Variants in RBL1 observed in about 807,000 individuals in gnomAD.
RBL1 encodes RB transcriptional corepressor like 1, also known as retinoblastoma-like protein 1.
RBL1 carries 82 observed loss-of-function variants against 123.0 expected under a neutral mutation model. The observed-to-expected ratio is 0.67, with a 90% CI of 0.56 to 0.80. The LOEUF (loss-of-function observed/expected upper bound fraction) is 0.80. Among genes scored for constraint, RBL1 ranks in the 30% least tolerant of loss-of-function variants. The pLI, the probability that RBL1 is intolerant of heterozygous loss-of-function variation, is 0.00. For missense variants in RBL1, 1,171 were observed against 1,299.6 expected, an observed-to-expected ratio of 0.90 and a Z score of 1.52; for synonymous variants, 405 against 441.3, an observed-to-expected ratio of 0.92 and a Z score of 1.03.
intron 9 of RBL1, among the ~76,000 whole-genome samples, chr20:37,057,200 C>A (rs1306748962): frequency 6.6e-6 from 1 of 152,102 alleles, no homozygotes. Context: ...GTTTTTAATT[C>A]TTTTGGATGT....
At chr20:37,043,245 T>G (rs928469339) in intron 13 of RBL1, among the ~76,000 whole-genome samples, 2 of 150,888 alleles carry the variant, frequency 1.3e-5, no homozygotes, top group Non-Finnish European at 3.0e-5. Flanking sequence ...TCCCAGCACT[T>G]TGGGAGGCTG....
intron 19 of RBL1, 85 bp from the exon 20 acceptor site, chr20:37,007,644 G>A: frequency 7.4e-7 from 1 of 1,354,772 alleles, no homozygotes; most frequent in Non-Finnish European, 1.0e-6. Context: ...CCAGGGTGGA[G>A]TGCAGTGGTG....
Position 37,035,293 on chromosome 20 carries a change from T to C in RBL1, c.2119A>G (p.Thr707Ala), listed in dbSNP as rs1382855619. ...CCTGTTGTTCCTGTTACTGGGGCTG[T>C]GGCCATTGTTAGAAGAGTTTGACCA... is the stretch of plus-strand genomic sequence containing the variant. Reference protein sequence around the residue: ...LPGQTLLTMATAPVTGTTGHK... With the variant: ...LPGQTLLTMAAAPVTGTTGHK... The change falls in exon 15 of 22, where the codon ACA (threonine) becomes GCA (alanine). Residue 707 changes from threonine (T) to alanine (A), a missense_variant. Thr to Ala is a moderately conservative substitution (Grantham distance 58). Transcript: ENST00000373664. 6.2e-7 allele frequency: 1 copy of C among 1,614,018 alleles called. No individual in the cohort carries two copies. Among genetic ancestry groups the C allele is most frequent in the East Asian group, 2.2e-5 (1 of 44,872 alleles).
At chr20:37,082,315 G>A (rs745952669) in intron 2 of RBL1, among the ~76,000 whole-genome samples, 23 of 152,210 alleles carry the variant, frequency 1.5e-4, no homozygotes, top group Non-Finnish European at 1.8e-4. Flanking sequence ...AAACAGCTGA[G>A]TTACCATTTA....
At chr20:37,094,128 C>G (rs2065691598) in intron 1 of RBL1, among the ~76,000 whole-genome samples, 1 of 152,240 alleles carries the variant, frequency 6.6e-6, no homozygotes, top group East Asian at 1.9e-4. Flanking sequence ...TGGGAACAAA[C>G]TTGTCATATT....
chr20:37,082,927 G>A (rs2065475107), intron 2 of RBL1, among the ~76,000 whole-genome samples: 1 of 152,006 alleles, frequency 6.6e-6, no homozygotes, highest in African/African-American at 2.4e-5. Context: ...GCTTGAATCT[G>A]GGAGGCAGAG....
At chr20:37,032,000 G>A (rs564476296) in intron 16 of RBL1, among the ~76,000 whole-genome samples, 10 of 150,288 alleles carry the variant, frequency 6.7e-5, no homozygotes, top group African/African-American at 2.2e-4. Flanking sequence ...CTCCTGCCTC[G>A]GCCTCATAAA....
In RBL1 at chr20:36,998,824, G is replaced by C. The variant is rs765000152; in HGVS notation, c.3142C>G (p.Gln1048Glu). Residue 1048 changes from glutamine to glutamate, a missense_variant, in exon 22 of 22, where the codon CAA becomes GAA. Physicochemically the swap from Gln to Glu is conservative, Grantham distance 29 (BLOSUM62 2). Transcript: ENST00000373664. Reference protein sequence around the residue: ...DAESPAKRVCQENDDVLLKRL... With the variant: ...DAESPAKRVCEENDDVLLKRL... ...TTCAGTAAAACGTCATCATTTTCTT[G>C]ACAGACGCGTTTGGCAGGGGATTCT... The C allele has an allele frequency of 2.5e-6, 4 of 1,613,436 alleles. No individual in the cohort carries two copies. Among genetic ancestry groups the C allele is most frequent in the Non-Finnish European group, 3.4e-6 (4 of 1,179,614 alleles).
intron 2 of RBL1, among the ~76,000 whole-genome samples, chr20:37,079,612 G>A (rs187286115): frequency 6.6e-6 from 1 of 151,932 alleles, no homozygotes; most frequent in African/African-American, 2.4e-5. Context: ...GACTACAGGT[G>A]CATATCACCA....
At chr20:37,017,401 T>G (rs76127177) in intron 19 of RBL1, among the ~76,000 whole-genome samples, 18,538 of 151,336 alleles carry the variant, frequency 0.12, 1,196 homozygotes, top group African/African-American at 0.15. Context: ...TATATACACA[T>G]GTATATATTA....
At chr20:37,000,478 C>A (rs576030194) in intron 21 of RBL1, among the ~76,000 whole-genome samples, 20 of 141,526 alleles carry the variant, frequency 1.4e-4, no homozygotes, top group African/African-American at 5.0e-4. Flanking sequence ...GGGGGTCAGC[C>A]CCCCCGCCCG....
At chr20:37,058,703 C>T (rs181290379) in intron 9 of RBL1, among the ~76,000 whole-genome samples, 10 of 151,976 alleles carry the variant, frequency 6.6e-5, no homozygotes, top group Admixed American at 6.6e-4. Flanking sequence ...TTGCACCTGG[C>T]CTCTAATATG....
intron 21 of RBL1, among the ~76,000 whole-genome samples, chr20:37,000,083 G>C (rs940394560): frequency 6.6e-6 from 1 of 151,170 alleles, no homozygotes; most frequent in Non-Finnish European, 1.5e-5. Flanking sequence ...TCTGCAATGT[G>C]GGGAGCGCCT....
At chr20:37,077,006 G>C (rs1020804480) in intron 2 of RBL1, among the ~76,000 whole-genome samples, 3 of 150,292 alleles carry the variant, frequency 2.0e-5, no homozygotes, top group African/African-American at 4.9e-5. Context: ...GCACAATCGC[G>C]GCTCACTGCA....
intron 7 of RBL1, among the ~76,000 whole-genome samples, chr20:37,062,633 A>G (rs1253467930): frequency 3.2e-5 from 4 of 123,428 alleles, no homozygotes; most frequent in Middle Eastern, 4.7e-3. Context: ...GCAACAGAAC[A>G]AGACTCTGTC....
At chr20:37,073,459 T>A (rs562253616) in intron 2 of RBL1, among the ~76,000 whole-genome samples, 2 of 151,994 alleles carry the variant, frequency 1.3e-5, no homozygotes, top group Admixed American at 1.3e-4. Flanking sequence ...GCACTTTGGG[T>A]GACTGAGGTG....
intron 1 of RBL1, among the ~76,000 whole-genome samples, chr20:37,089,569 A>G (rs1489493372): frequency 6.6e-6 from 1 of 151,850 alleles, no homozygotes; most frequent in African/African-American, 2.4e-5. Flanking sequence ...GCTTAAGCTC[A>G]GGAGTTCAAG....
rs201487590 is a variant in RBL1 at position 37,095,754 on chromosome 20, C to T, written c.156+19G>A. The T allele has an allele frequency of 1.3e-5, 21 of 1,570,468 alleles. No individual in the cohort carries two copies. Among genetic ancestry groups the T allele is most frequent in the Non-Finnish European group, 1.6e-5 (18 of 1,152,656 alleles). On this transcript the variant is annotated intron_variant, in intron 1 of 21. Coordinates refer to ENST00000373664, the MANE Select transcript of RBL1 (RefSeq NM_002895.5). ...CCTGGCGAGGGTAGGGTCCGGCCGC[C>T]CCACCTGCTGCCGCTCACCTCTAGG...
At chr20:37,028,384 G>A (rs1366871647) in intron 16 of RBL1, among the ~76,000 whole-genome samples, 1 of 151,762 alleles carries the variant, frequency 6.6e-6, no homozygotes, top group African/African-American at 2.4e-5. Context: ...AATAAATAAT[G>A]GCTTGGGTGG....
Sources: allele counts gnomAD v4.1 joint callset (sites outside exome capture counted in the v4.1 genomes callset), GRCh38; gene constraint gnomAD v4.1.1; transcripts MANE v1.5; gene names NCBI Gene and HGNC (gene_info 2026-07-23, HGNC 2026-07-21).